The following FER1L5 variants were observed in gnomAD, a reference collection of about 807,000 sequenced individuals.
The protein encoded by FER1L5 is fer-1-like protein 5.
Under a neutral mutation model 279.9 loss-of-function variants are expected in FER1L5, and 187 were observed. The ratio of observed to expected loss-of-function variants is 0.67; its 90% CI spans 0.59 to 0.75. FER1L5 has a LOEUF of 0.75. Ranked by LOEUF, FER1L5 falls within the 30% of genes least tolerant of loss-of-function variation. The probability of loss-of-function intolerance (pLI) is 0.00; values close to 1 mark genes in which losing one functional copy is unlikely to be tolerated. For synonymous variants in FER1L5, 921 were observed against 989.7 expected (o/e 0.93, Z 1.30); for missense variants, 2,091 against 2,594.4 (o/e 0.81, Z 4.21).
chr2:96,679,514 A>G (rs114025995), intron 19 of FER1L5, among the ~76,000 whole-genome samples: 3,655 of 152,150 alleles, frequency 0.024, 73 homozygotes, highest in Middle Eastern at 0.041. Context: ...GAGCCACCGC[A>G]CCCGGCCACA....
At chr2:96,682,421 T>C (rs2076764758) in intron 19 of FER1L5, among the ~76,000 whole-genome samples, 1 of 152,240 alleles carries the variant, frequency 6.6e-6, no homozygotes, top group African/African-American at 2.4e-5. Context: ...ATTTTGGCTG[T>C]TTCCAACTTT....
At position 96,684,432 on chromosome 2, in the gene FER1L5, A is replaced by G; in HGVS notation, c.1775A>G (p.His592Arg). 1 of 1,551,420 alleles carries G rather than the reference A, an allele frequency of 6.4e-7. No individual in the cohort carries two copies. Residue 592 changes from histidine to arginine, a missense_variant, in exon 20 of 53, where the codon CAC becomes CGC. Physicochemically the swap from His to Arg is conservative, Grantham distance 29. Coordinates refer to ENST00000624922, the MANE Select transcript of FER1L5 (RefSeq NM_001293083.2). ...CGCATGAACTGCCTCAACCTCCTCC[A>G]CTTCACTCGGGACCGCCTGGTGAGT... ...SFRMNCLNLL[H>R]FTRDRLKANL...
rs369607499 is a variant in FER1L5, at chr2:96,699,026, C to G, written c.4519-19C>G. Reference sequence around the variant, plus strand: ...GCCTCCCCAGTTCCTATCCTTCCCCCACTTGTATCTGACCCCAGTGTGACC... The same window carrying G: ...GCCTCCCCAGTTCCTATCCTTCCCCGACTTGTATCTGACCCCAGTGTGACC... On this transcript the variant is annotated intron_variant, in intron 41 of 52. Transcript: ENST00000624922. 9.6e-5 allele frequency: 154 copies of G among 1,598,588 alleles called. No homozygotes were observed. The African/African-American group carries it at 1.5e-3, about 16-fold the overall frequency.
intron 10 of FER1L5, 82 bp downstream of exon 10, chr2:96,660,453 T>A (rs1337189972): frequency 1.6e-6 from 2 of 1,266,296 alleles, no homozygotes; most frequent in African/African-American, 3.0e-5. Context: ...TCCCCATATG[T>A]CCAACACATG....
chr2:96,655,991 CGT>C (rs1203820886), intron 9 of FER1L5, among the ~76,000 whole-genome samples: 6 of 152,156 alleles, frequency 3.9e-5, no homozygotes. Context: ...GGATTACAGG[CGT>C]GTGTCCACCA....
At chr2:96,646,552 C>T (rs1464382839) in intron 2 of FER1L5, 99 bp downstream of exon 2, 16 of 1,204,232 alleles carry the variant, frequency 1.3e-5, no homozygotes, top group South Asian at 9.4e-5. Flanking sequence ...AGGGAGAGGA[C>T]GTGCAACCTC....
Position 96,698,904 on chromosome 2 carries a change from G to T in FER1L5, c.4518+72G>T. On this transcript the variant is annotated intron_variant, in intron 41 of 52. Coordinates refer to ENST00000624922, the MANE Select transcript of FER1L5 (RefSeq NM_001293083.2). The surrounding 1 kb of genome is among the most constrained non-coding windows in gnomAD (Gnocchi z 5.5). ...CAACCCATCTCTGGGAGCCCCCTCC[G>T]ACTGCTGACACACAGAATGCCAACT... 1 of 1,536,464 alleles carries T rather than the reference G, an allele frequency of 6.5e-7. No homozygotes were observed. The highest frequency in any genetic ancestry group is 2.0e-5 in the Admixed American group (1 of 50,696).
At position 96,642,935 on chromosome 2, in the gene FER1L5, T is replaced by G; in HGVS notation, c.85+14T>G. On this transcript the variant is annotated intron_variant, in intron 1 of 52. Coordinates refer to ENST00000624922, the MANE Select transcript of FER1L5 (RefSeq NM_001293083.2). Reference sequence around the variant, plus strand: ...TCGACTTCAGAGGTGAGAGCCTCCCTGGGTCCACATGGGAGAGAGAAGCCC... The same window carrying G: ...TCGACTTCAGAGGTGAGAGCCTCCCGGGGTCCACATGGGAGAGAGAAGCCC... 6 of 1,547,282 alleles carry G rather than the reference T, an allele frequency of 3.9e-6. No individual in the cohort carries two copies. Among genetic ancestry groups the G allele is most frequent in the Non-Finnish European group, 5.2e-6 (6 of 1,144,686 alleles).
chr2:96,695,869 C>T lies in FER1L5; in HGVS notation c.4022C>T (p.Pro1341Leu). The change falls in exon 36 of 53, where the codon CCC becomes CTC. Residue 1341 changes from proline (P) to leucine (L), a missense_variant. By Grantham distance (98) the Pro-to-Leu change is moderately conservative. Coordinates refer to ENST00000624922, the MANE Select transcript of FER1L5 (RefSeq NM_001293083.2). Reference protein sequence around the residue: ...IDFLQPYFCDPWAQDYMHPKL... With the variant: ...IDFLQPYFCDLWAQDYMHPKL... ...TTCCTCCAGCCCTACTTCTGTGACC[C>T]CTGGGCTCAAGACTATATGCACCCA... 6.2e-7 allele frequency: 1 copy of T among 1,613,710 alleles called. No homozygotes were observed. Among genetic ancestry groups the T allele is most frequent in the South Asian group, 1.1e-5 (1 of 91,000 alleles).
In FER1L5 at chr2:96,669,073, G is replaced by A. The variant is rs1289395539; in HGVS notation, c.1298G>A (p.Gly433Asp). 3 of 1,551,622 alleles carry A rather than the reference G, an allele frequency of 1.9e-6. No homozygotes were observed. Among genetic ancestry groups the A allele is most frequent in the Non-Finnish European group, 2.6e-6 (3 of 1,146,982 alleles). The change falls in exon 17 of 53, where the codon GGC becomes GAC. Residue 433 changes from glycine to aspartate, a missense_variant. Coordinates refer to ENST00000624922, the MANE Select transcript of FER1L5 (RefSeq NM_001293083.2). Reference protein sequence around the residue: ...GVYSGFLPCFGPSFLTLHGGK... With the variant: ...GVYSGFLPCFDPSFLTLHGGK... The stretch of plus-strand genomic sequence containing the variant: ...TACTCCGGCTTCCTGCCCTGCTTTG[G>A]CCCCAGCTTCCTGACTCTGCATGGG...
chr2:96,647,605 G>C (rs777623468), intron 3 of FER1L5, among the ~76,000 whole-genome samples, 173 bp from the exon 4 acceptor site: 1 of 152,172 alleles, frequency 6.6e-6, no homozygotes, highest in Non-Finnish European at 1.5e-5. Context: ...CTCAGAGCCA[G>C]AAGCCCTGTG....
At position 96,702,394 on chromosome 2, in the gene FER1L5, A is replaced by G. The variant is rs542546772; in HGVS notation, c.5248A>G (p.Ile1750Val). ...LSREKTSDIY[I>V]KGWLYGLEKD... ...TAGAGAGAAGACGAGCGACATCTACATCAAAGGGTAGGGAAGAGGAGTCAG... is the reference window on the plus strand; with the variant it reads ...TAGAGAGAAGACGAGCGACATCTACGTCAAAGGGTAGGGAAGAGGAGTCAG... Residue 1750 changes from isoleucine (I) to valine (V), a missense_variant, in exon 47 of 53, where the codon ATC becomes GTC. By Grantham distance (29) the Ile-to-Val change is conservative. Transcript: ENST00000624922. The surrounding 1 kb of genome is among the most constrained non-coding windows in gnomAD (Gnocchi z 4.0). 23 of 1,610,990 alleles carry G rather than the reference A, an allele frequency of 1.4e-5. No homozygotes were observed. In the Admixed American group the frequency reaches 3.9e-4, roughly 27 times the overall value.
rs746757084 is a variant in FER1L5 at position 96,684,397 on chromosome 2, C to T, written c.1740C>T (p.Asp580=). 21 of 1,551,544 alleles carry T rather than the reference C, an allele frequency of 1.4e-5. No homozygotes were observed. The African/African-American group carries it at 1.4e-4, about 10-fold the overall frequency. ...PVVAVTSNWE[D]VSFRMNCLNL... ...TGGCCGTGACCTCCAACTGGGAGGA[C>T]GTCAGCTTCCGCATGAACTGCCTCA... The change falls in exon 20 of 53, where the codon GAC becomes GAT. Residue 580 remains aspartate (D), a synonymous_variant. Coordinates refer to ENST00000624922, the MANE Select transcript of FER1L5 (RefSeq NM_001293083.2).
At chr2:96,697,835 C>T in intron 39 of FER1L5, 74 bp downstream of exon 39, 1 of 1,550,140 alleles carries the variant, frequency 6.5e-7, no homozygotes, top group African/African-American at 1.4e-5. Context: ...GCCTTGATTC[C>T]TCTGGGAAGC....
Position 96,670,241 on chromosome 2 carries a change from G to A in FER1L5, c.1485G>A (p.Arg495=). The change falls in exon 18 of 53, where the codon AGG becomes AGA. Residue 495 remains arginine (R), a synonymous_variant. Transcript: ENST00000624922. The stretch of plus-strand genomic sequence containing the variant: ...AGGATCTCTCCCATGAAGTGACCAG[G>A]ATAGAGGTAACTGCGGGAAACAGGT... ...TIKDLSHEVT[R]IEKHQNRQKY... 1 of 1,551,390 alleles carries A rather than the reference G, an allele frequency of 6.4e-7. No individual in the cohort carries two copies. The highest frequency in any genetic ancestry group is 8.7e-7 in the Non-Finnish European group (1 of 1,146,828).
At position 96,701,951 on chromosome 2, in the gene FER1L5, C is replaced by G. The variant is rs748438332; in HGVS notation, c.5071-4C>G. On this transcript the variant is annotated splice_polypyrimidine_tract_variant and splice_region_variant and intron_variant, in intron 45 of 52. Coordinates refer to ENST00000624922, the MANE Select transcript of FER1L5 (RefSeq NM_001293083.2). Reference sequence around the variant, plus strand: ...CCCAACCAGTCAATGTATCCCGGCTCTAGGGAAAGGTGCAAATGTGGGTGG... The same window carrying G: ...CCCAACCAGTCAATGTATCCCGGCTGTAGGGAAAGGTGCAAATGTGGGTGG... 6.2e-7 allele frequency: 1 copy of G among 1,613,960 alleles called. No individual in the cohort carries two copies. Among genetic ancestry groups the G allele is most frequent in the Non-Finnish European group, 8.5e-7 (1 of 1,179,850 alleles).
chr2:96,658,307 C>T (rs572895159), intron 9 of FER1L5, among the ~76,000 whole-genome samples: 71 of 151,012 alleles, frequency 4.7e-4, no homozygotes, highest in Non-Finnish European at 9.3e-4. Context: ...TGAGCCAACG[C>T]ACCTGGCCAA....
chr2:96,696,095 G>A lies in FER1L5; in HGVS notation c.4083+18G>A. ...ACCAAGACGTAAGTAAGGGCTGCAG[G>A]CCCACCTTCTCCCATACTGTTGACG... On this transcript the variant is annotated intron_variant, in intron 37 of 52. Transcript: ENST00000624922. The A allele has an allele frequency of 1.1e-5, 18 of 1,613,528 alleles. No homozygotes were observed. Among genetic ancestry groups the A allele is most frequent in the Non-Finnish European group, 1.4e-5 (17 of 1,179,856 alleles).
intron 14 of FER1L5, among the ~76,000 whole-genome samples, chr2:96,665,178 G>A (rs549915974): frequency 1.3e-5 from 2 of 152,328 alleles, no homozygotes; most frequent in East Asian, 3.9e-4. Context: ...TGAGCTGAGA[G>A]ATAACTTGAG....
Sources: gnomAD v4.1 joint callset for allele counts (sites outside exome capture counted in the v4.1 genomes callset) on GRCh38, gnomAD v4.1.1 for gene constraint, Gnocchi (gnomAD v3.1) non-coding constraint, MANE v1.5 for transcripts, NCBI Gene and HGNC (gene_info 2026-07-23, HGNC 2026-07-21) for gene names.